Variants in ZNF114 observed in about 807,000 individuals in gnomAD.
ZNF114 encodes the protein zinc finger protein 114 (Y18).
ZNF114 carries 8 observed loss-of-function variants against 6.8 expected under a neutral mutation model. The observed-to-expected ratio is 1.18, with a 90% CI of 0.69 to 2.13. The LOEUF is 2.13. Among genes scored for constraint, ZNF114 ranks in the 30% most tolerant of loss-of-function variants. The pLI, the probability that ZNF114 is intolerant of heterozygous loss-of-function variation, is 0.00. For synonymous variants in ZNF114, 169 were observed against 185.5 expected (o/e 0.91, Z 0.72); for missense variants, 472 against 519.5 (o/e 0.91, Z 0.89).
At chr19:48,270,744 AAAG>A (rs1281614758) in intron 1 of ZNF114, among the ~76,000 whole-genome samples, 1 of 141,638 alleles carries the variant, frequency 7.1e-6, no homozygotes, top group African/African-American at 2.6e-5. Context: ...AAAGGGAAAG[AAAG>A]AAAAGAGAAA....
At position 48,285,954 on chromosome 19, in the gene ZNF114, A is replaced by T; in HGVS notation, c.330A>T (p.Ala110=). ...GGGTGAATAATGTGAAGCCACCTGC[A>T]GTTGCCCCTGAGAAAGATGAATCTC... ...RQGVNNVKPP[A]VAPEKDESPV... Residue 110 remains alanine (A), a synonymous_variant, in exon 6 of 6, where the codon GCA becomes GCT. Transcript: ENST00000595607. The T allele has an allele frequency of 6.2e-7, 1 of 1,614,072 alleles. No individual in the cohort carries two copies. The highest frequency in any genetic ancestry group is 8.5e-7 in the Non-Finnish European group (1 of 1,180,022).
In ZNF114 at chr19:48,287,428, T is replaced by C. The variant is rs4802464; in HGVS notation, c.*550T>C. Reference sequence around the variant, plus strand: ...AGGAGAATGGTGTAAACCTGGGAGGTGGAGCTTGCAGTGAGCCGAGATGGA... The same window carrying C: ...AGGAGAATGGTGTAAACCTGGGAGGCGGAGCTTGCAGTGAGCCGAGATGGA... On this transcript the variant is annotated 3_prime_UTR_variant, in exon 6 of 6. Coordinates refer to ENST00000595607, the MANE Select transcript of ZNF114 (RefSeq NM_153608.4). The C allele has an allele frequency of 0.75, 113,772 of 150,916 alleles. 43,113 individuals are homozygous for C. Among genetic ancestry groups the C allele is most frequent in the Non-Finnish European group, 0.8 (54,053 of 67,740 alleles). The allele number at this position is 150,916 out of a possible 1,614,324, so 9.3% of individuals were successfully genotyped here.
At chr19:48,279,884 G>A in intron 4 of ZNF114, 76 bp downstream of exon 4, 2 of 1,609,942 alleles carry the variant, frequency 1.2e-6, no homozygotes, top group Non-Finnish European at 1.7e-6. Flanking sequence ...CTGTGGCTGG[G>A]AGTCAGGTAA....
intron 3 of ZNF114, among the ~76,000 whole-genome samples, chr19:48,273,729 G>C (rs936660831): frequency 4.0e-5 from 6 of 150,578 alleles, no homozygotes; most frequent in African/African-American, 1.2e-4. Context: ...AAAGTGACTT[G>C]GATCCCCCAG....
rs1171742110 is a variant in ZNF114, at chr19:48,271,449, AG to A, written c.-172+1del. ...CTGCTTGGATCAGGAGTGCCTGGGG[AG>A]TAAGTTCTACAGGAAATGTCAATCT... is the stretch of plus-strand genomic sequence containing the variant. On this transcript the variant is annotated splice_donor_variant, in intron 2 of 5. Transcript: ENST00000595607. LOFTEE classifies it low-confidence loss of function (5UTR_SPLICE). 2.1e-5 allele frequency: 3 copies of A among 146,132 alleles called. No individual in the cohort carries two copies. Among genetic ancestry groups the A allele is most frequent in the African/African-American group, 7.6e-5 (3 of 39,470 alleles). 9.1% of individuals were successfully genotyped at this position (146,132 alleles called of 1,614,324 possible).
At chr19:48,281,727 G>A (rs1314431769) in intron 4 of ZNF114, 7 of 150,722 alleles carry the variant, frequency 4.6e-5, no homozygotes, top group Non-Finnish European at 8.9e-5. Flanking sequence ...TTGTCACTGT[G>A]TTGCCCAAGC....
intron 1 of ZNF114, among the ~76,000 whole-genome samples, chr19:48,270,839 G>A (rs1162693778): frequency 6.6e-6 from 1 of 152,100 alleles, no homozygotes. Flanking sequence ...AGCACTTTGG[G>A]AGGCCGAGGC....
At chr19:48,279,138 T>A (rs1333966630) in intron 3 of ZNF114, among the ~76,000 whole-genome samples, 1 of 151,648 alleles carries the variant, frequency 6.6e-6, no homozygotes, top group Non-Finnish European at 1.5e-5. Flanking sequence ...GTTAACTTCA[T>A]GATATGCAAA....
chr19:48,278,647 T>C (rs1967909961), intron 3 of ZNF114, among the ~76,000 whole-genome samples: 1 of 151,114 alleles, frequency 6.6e-6, no homozygotes, highest in African/African-American at 2.5e-5. Context: ...TGGGCTGTAA[T>C]GAATACCGCT....
In ZNF114 at chr19:48,286,807, A is replaced by G. The variant is rs1449816660; in HGVS notation, c.1183A>G (p.Lys395Glu). The G allele has an allele frequency of 2.1e-5, 33 of 1,603,626 alleles. No individual in the cohort carries two copies. The highest frequency in any genetic ancestry group is 2.7e-5 in the Non-Finnish European group (32 of 1,177,324). ...ACCCTATAAATGTAAGACATGTGGA[A>G]AAGACTTTGCAAAGTCGTCAGGACT... ...EKPYKCKTCG[K>E]DFAKSSGLKK... is the part of the protein sequence containing the mutation. The change falls in exon 6 of 6, where the codon AAA (lysine) becomes GAA (glutamate). Residue 395 changes from lysine (K) to glutamate (E), a missense_variant. By Grantham distance (56) the Lys-to-Glu change is moderately conservative. Transcript: ENST00000595607.
intron 3 of ZNF114, among the ~76,000 whole-genome samples, chr19:48,276,861 C>G (rs1228724155): frequency 1.3e-5 from 2 of 152,190 alleles, no homozygotes; most frequent in Non-Finnish European, 2.9e-5. Flanking sequence ...ATTGTCCCAA[C>G]TAAACATGTA....
rs376864182 is a variant in ZNF114 at position 48,286,752 on chromosome 19, T to A, written c.1128T>A (p.Tyr376Ter). ...CGKVIRESSK[Y>*]THIRSHTGEK... is the part of the protein sequence containing the mutation. ...AAGTCATTCGGGAGTCCTCAAAATA[T>A]ACACATATAAGGAGCCACACTGGAG... The change falls in exon 6 of 6, where the codon TAT becomes TAA. Residue 376 changes from tyrosine to a stop codon, truncating the protein, a stop_gained. Transcript: ENST00000595607. LOFTEE classifies it low-confidence loss of function (END_TRUNC). 2 of 1,613,754 alleles carry A rather than the reference T, an allele frequency of 1.2e-6. No homozygotes were observed. Among genetic ancestry groups the A allele is most frequent in the Non-Finnish European group, 1.7e-6 (2 of 1,179,964 alleles).
intron 3 of ZNF114, among the ~76,000 whole-genome samples, chr19:48,274,506 AT>A (rs869126962): frequency 0.018 from 302 of 17,112 alleles, 2 homozygotes; most frequent in East Asian, 0.032. Flanking sequence ...ATATATATAT[AT>A]TTTTTTTTTT....
chr19:48,279,344 G>C (rs1967927243), intron 3 of ZNF114, among the ~76,000 whole-genome samples: 1 of 147,064 alleles, frequency 6.8e-6, no homozygotes, highest in Non-Finnish European at 1.5e-5. Context: ...GCTGTAGTGA[G>C]CCATGATTGC....
At chr19:48,281,561 C>T (rs1206413912) in intron 4 of ZNF114, 1 of 142,218 alleles carries the variant, frequency 7.0e-6, no homozygotes, top group East Asian at 2.1e-4. Context: ...GGGTCTTGCT[C>T]TGTTGCCCAG....
intron 5 of ZNF114, among the ~76,000 whole-genome samples, chr19:48,283,120 A>G (rs996102110): frequency 1.5e-4 from 23 of 152,036 alleles, no homozygotes; most frequent in African/African-American, 5.3e-4. Flanking sequence ...GGCTCAAGCA[A>G]TTCTCCTGCC....
chr19:48,270,845 G>C (rs151205765), intron 1 of ZNF114, among the ~76,000 whole-genome samples: 20,917 of 151,990 alleles, frequency 0.14, 1,648 homozygotes, highest in Non-Finnish European at 0.18. Flanking sequence ...TTGGGAGGCC[G>C]AGGCGGGCGG....
intron 4 of ZNF114, among the ~76,000 whole-genome samples, chr19:48,280,584 C>T (rs1049058248): frequency 7.0e-6 from 1 of 142,300 alleles, no homozygotes. Flanking sequence ...CGGAGTTTCA[C>T]TCTTGTTGCC....
At chr19:48,280,930 C>T (rs1212002843) in intron 4 of ZNF114, among the ~76,000 whole-genome samples, 1 of 152,162 alleles carries the variant, frequency 6.6e-6, no homozygotes, top group African/African-American at 2.4e-5. Flanking sequence ...GAAAGACACA[C>T]AGTTGGTCAA....
Sources: gnomAD v4.1 joint callset for allele counts (sites outside exome capture counted in the v4.1 genomes callset) on GRCh38, gnomAD v4.1.1 for gene constraint, MANE v1.5 for transcripts, NCBI Gene and HGNC (gene_info 2026-07-23, HGNC 2026-07-21) for gene names.